The following FNIP2 variants were observed in gnomAD, a reference collection of about 807,000 sequenced individuals.
The protein encoded by FNIP2 is folliculin-interacting protein 2.
Under a neutral mutation model 108.7 loss-of-function variants are expected in FNIP2, and 32 were observed. The ratio of observed to expected loss-of-function variants is 0.29; its 90% CI spans 0.22 to 0.40. The LOEUF (loss-of-function observed/expected upper bound fraction) is 0.40, where lower values mean the gene tolerates loss of function less well. Ranked by LOEUF, FNIP2 falls within the 10% of genes least tolerant of loss-of-function variation. FNIP2 has a pLI of 1.00. For synonymous variants in FNIP2, 480 were observed against 496.7 expected (o/e 0.97, Z 0.45); for missense variants, 1,202 against 1,381.6 (o/e 0.87, Z 2.06).
intron 1 of FNIP2, among the ~76,000 whole-genome samples, chr4:158,810,222 C>G (rs553023665): frequency 6.6e-6 from 1 of 152,296 alleles, no homozygotes; most frequent in South Asian, 2.1e-4. Flanking sequence ...GAAAACCACT[C>G]TACCCTGATG....
chr4:158,834,846 G>A (rs976165666), intron 6 of FNIP2: 6 of 154,410 alleles, frequency 3.9e-5, no homozygotes, highest in African/African-American at 1.4e-4. Context: ...CTGTGTATGG[G>A]TGTATATGGA....
At chr4:158,807,211 A>C (rs1208610040) in intron 1 of FNIP2, among the ~76,000 whole-genome samples, 1 of 152,202 alleles carries the variant, frequency 6.6e-6, no homozygotes, top group African/African-American at 2.4e-5. Context: ...TTATAAGTGC[A>C]TTTAACTTGG....
chr4:158,881,980 G>A lies in FNIP2; in HGVS notation c.2950-9466G>A, dbSNP rs575580259. ...TGGGAAGTGAGGAGCGCCTCTTCCCGGCCGCCATCCAGTCTAGGAAGTGAG... is the reference window on the plus strand; with the variant it reads ...TGGGAAGTGAGGAGCGCCTCTTCCCAGCCGCCATCCAGTCTAGGAAGTGAG... On this transcript the variant is annotated intron_variant, in intron 14 of 16. Transcript: ENST00000264433. 2.3e-4 allele frequency among the ~76,000 whole-genome samples: 34 copies of A among 148,706 alleles called. 1 individual carries two copies. The South Asian group carries it at 4.7e-3, about 21-fold the overall frequency.
chr4:158,891,354 T>C, intron 14 of FNIP2, 92 bp from the exon 15 acceptor site: 1 of 1,218,920 alleles, frequency 8.2e-7, no homozygotes, highest in Non-Finnish European at 1.2e-6. Flanking sequence ...CTGTCAAGAA[T>C]TTTACATTTA....
chr4:158,817,319 A>T (rs1777631254), intron 1 of FNIP2, among the ~76,000 whole-genome samples: 1 of 152,186 alleles, frequency 6.6e-6, no homozygotes, highest in Non-Finnish European at 1.5e-5. Flanking sequence ...AGTTGTGTTG[A>T]TATTAAGATG....
At chr4:158,880,593 T>G (rs375011653) in intron 14 of FNIP2, among the ~76,000 whole-genome samples, 3 of 152,282 alleles carry the variant, frequency 2.0e-5, no homozygotes, top group East Asian at 3.9e-4. Context: ...AGTATAATAA[T>G]AATAAAAAAA....
intron 1 of FNIP2, among the ~76,000 whole-genome samples, chr4:158,808,873 A>C (rs1328179932): frequency 6.6e-6 from 1 of 152,222 alleles, no homozygotes; most frequent in Non-Finnish European, 1.5e-5. Context: ...CCACAATTAC[A>C]GTAGAATCAC....
intron 1 of FNIP2, among the ~76,000 whole-genome samples, chr4:158,809,938 C>T (rs1213047120): frequency 6.6e-6 from 1 of 152,134 alleles, no homozygotes; most frequent in Non-Finnish European, 1.5e-5. Context: ...AGTTACTTAA[C>T]AAGAAAGTAA....
Position 158,797,667 on chromosome 4 carries a change from C to G in FNIP2, c.108-28249C>G, listed in dbSNP as rs191877743. ...TGAGGTGTGATCTTGCCACTGCACT[C>G]TAGCCTGGGTGTCAGAGCAAGACCC... On this transcript the variant is annotated intron_variant, in intron 1 of 16. Coordinates refer to ENST00000264433, the MANE Select transcript of FNIP2 (RefSeq NM_020840.3). Among the ~76,000 whole-genome samples, 15 of 152,292 alleles carry G rather than the reference C, an allele frequency of 9.8e-5. No individual in the cohort carries two copies. The East Asian group carries it at 2.7e-3, about 27-fold the overall frequency.
chr4:158,904,351 G>T (rs1404976938), intron 16 of FNIP2, 115 bp from the exon 17 acceptor site: 3 of 901,386 alleles, frequency 3.3e-6, no homozygotes, highest in African/African-American at 1.7e-5. Context: ...AGTTTTAAAT[G>T]ATAATCTATC....
chr4:158,827,574 G>C (rs1778228133), intron 2 of FNIP2, among the ~76,000 whole-genome samples: 1 of 152,174 alleles, frequency 6.6e-6, no homozygotes, highest in Admixed American at 6.5e-5. Flanking sequence ...ATTATAGACT[G>C]TTCAGCATTG....
rs547104266 is a variant in FNIP2, at chr4:158,806,829, G to A, written c.108-19087G>A. On this transcript the variant is annotated intron_variant, in intron 1 of 16. Transcript: ENST00000264433. The stretch of plus-strand genomic sequence containing the variant: ...TGGGCGTTTTCACTTCATAGTCTGC[G>A]TGGCAGCCAGGTGGTTGTGCTTTTC... Among the ~76,000 whole-genome samples, 115 of 152,312 alleles carry A rather than the reference G, an allele frequency of 7.6e-4. 1 individual carries two copies. The highest frequency in any genetic ancestry group is 2.5e-3 in the African/African-American group (102 of 41,578).
At chr4:158,846,500 A>T (rs1345186578) in intron 7 of FNIP2, among the ~76,000 whole-genome samples, 4 of 152,176 alleles carry the variant, frequency 2.6e-5, no homozygotes, top group Middle Eastern at 3.2e-3. Flanking sequence ...CAGGATTTGA[A>T]CTAGGAGCCT....
chr4:158,771,438 A>G (rs1374377162), intron 1 of FNIP2, among the ~76,000 whole-genome samples: 2 of 152,276 alleles, frequency 1.3e-5, no homozygotes, highest in East Asian at 3.9e-4. Flanking sequence ...TCTCTACCTA[A>G]AAAATTGTGA....
At chr4:158,783,287 A>G (rs1776112393) in intron 1 of FNIP2, among the ~76,000 whole-genome samples, 1 of 152,162 alleles carries the variant, frequency 6.6e-6, no homozygotes, top group South Asian at 2.1e-4. Context: ...CTGGGGTGAA[A>G]GCATTGCCAT....
intron 7 of FNIP2, among the ~76,000 whole-genome samples, chr4:158,843,452 G>A (rs1043225941): frequency 6.6e-6 from 1 of 152,094 alleles, no homozygotes; most frequent in African/African-American, 2.4e-5. Context: ...TTTTTTTCTA[G>A]GATATGAGAA....
chr4:158,877,065 C>T (rs77748383), intron 14 of FNIP2, among the ~76,000 whole-genome samples: 107 of 152,302 alleles, frequency 7.0e-4, no homozygotes, highest in Non-Finnish European at 1.4e-3. Context: ...TACCAACCCT[C>T]TCTCATTTTA....
At chr4:158,835,633 T>A in intron 7 of FNIP2, 157 bp downstream of exon 7, 1 of 599,628 alleles carries the variant, frequency 1.7e-6, no homozygotes, top group South Asian at 2.0e-5. Context: ...GAAACTTTAA[T>A]GTACAGTATC....
intron 7 of FNIP2, among the ~76,000 whole-genome samples, chr4:158,840,303 A>G (rs977601781): frequency 6.6e-6 from 1 of 152,186 alleles, no homozygotes; most frequent in African/African-American, 2.4e-5. Context: ...AAATGTCTAC[A>G]TGTTCTCCAG....
Sources: gnomAD v4.1 joint callset for allele counts (sites outside exome capture counted in the v4.1 genomes callset) on GRCh38, gnomAD v4.1.1 for gene constraint, MANE v1.5 for transcripts, NCBI Gene and HGNC (gene_info 2026-07-23, HGNC 2026-07-21) for gene names.